ATPAF2: variants seen among roughly 807,000 people sequenced by gnomAD.
ATPAF2 encodes ATP synthase mitochondrial F1 complex assembly factor 2, also known as ATP12 homolog.
A neutral mutation model predicts 36.6 loss-of-function variants in ATPAF2; 30 were observed. The observed-to-expected ratio is 0.82, with a 90% CI of 0.61 to 1.11. The LOEUF (loss-of-function observed/expected upper bound fraction) is 1.11, where lower values mean the gene tolerates loss of function less well. Among genes scored for constraint, ATPAF2 ranks in the 50% most tolerant of loss-of-function variants. ATPAF2 has a pLI of 0.00. For synonymous variants in ATPAF2, 140 were observed against 152.6 expected (o/e 0.92, Z 0.61); for missense variants, 321 against 372.3 (o/e 0.86, Z 1.13).
intron 1 of ATPAF2, among the ~76,000 whole-genome samples, chr17:18,032,379 G>GA (rs200474812): frequency 1.3e-5 from 2 of 152,132 alleles, no homozygotes; most frequent in Non-Finnish European, 2.9e-5. Flanking sequence ...AACTGAATAA[G>GA]AAAAAACTAG....
At chr17:18,020,760 C>A in intron 7 of ATPAF2, 1 of 225,366 alleles carries the variant, frequency 4.4e-6, no homozygotes, top group South Asian at 6.2e-5. Context: ...CTCACTACAA[C>A]CTCCACCTCC....
intron 5 of ATPAF2, among the ~76,000 whole-genome samples, chr17:18,022,278 C>A (rs2044480585): frequency 6.6e-6 from 1 of 152,130 alleles, no homozygotes. Context: ...TGTCATATAT[C>A]ATGGAGGTTT....
intron 5 of ATPAF2, among the ~76,000 whole-genome samples, chr17:18,023,082 T>A (rs1597667884): frequency 1.4e-5 from 2 of 143,344 alleles, no homozygotes; most frequent in Middle Eastern, 4.0e-3. Context: ...TGAGCTGAGA[T>A]CACGCCACTG....
intron 7 of ATPAF2, among the ~76,000 whole-genome samples, chr17:18,019,984 G>A (rs1433557109): frequency 6.6e-6 from 1 of 152,180 alleles, no homozygotes; most frequent in Non-Finnish European, 1.5e-5. Context: ...TATGTAATCA[G>A]TTCTGACATC....
intron 1 of ATPAF2, among the ~76,000 whole-genome samples, chr17:18,034,324 G>C (rs2044675616): frequency 6.6e-6 from 1 of 152,116 alleles, no homozygotes. Flanking sequence ...AGGCTCGCTT[G>C]AGCCCAGGAG....
At chr17:18,032,984 G>T (rs1288204512) in intron 1 of ATPAF2, among the ~76,000 whole-genome samples, 1 of 152,074 alleles carries the variant, frequency 6.6e-6, no homozygotes, top group African/African-American at 2.4e-5. Context: ...TAAGATGCTA[G>T]AGAGGGCAAT....
intron 3 of ATPAF2, among the ~76,000 whole-genome samples, chr17:18,026,976 T>G (rs2044555792): frequency 6.6e-6 from 1 of 152,136 alleles, no homozygotes; most frequent in Non-Finnish European, 1.5e-5. Flanking sequence ...ATCTCAGCAC[T>G]TTGGGAGGCT....
downstream of ATPAF2, chr17:18,015,840 G>T: frequency 2.0e-6 from 1 of 502,080 alleles, no homozygotes; most frequent in South Asian, 2.7e-5. Context: ...TAACACCCTG[G>T]TTGGCCCTTT....
chr17:18,021,677 A>G, intron 6 of ATPAF2, 68 bp downstream of exon 6: 1 of 1,366,058 alleles, frequency 7.3e-7, no homozygotes, highest in Non-Finnish European at 1.0e-6. Context: ...GGGAGGGGCA[A>G]GTACAGGCTT....
chr17:18,027,408 G>A (rs1231981359), intron 3 of ATPAF2, among the ~76,000 whole-genome samples: 3 of 152,104 alleles, frequency 2.0e-5, no homozygotes, highest in Non-Finnish European at 4.4e-5. Flanking sequence ...GCACAGCAGC[G>A]GCTGGGATGA....
At chr17:18,019,948 A>C (rs914325641) in intron 7 of ATPAF2, among the ~76,000 whole-genome samples, 1 of 152,160 alleles carries the variant, frequency 6.6e-6, no homozygotes, top group African/African-American at 2.4e-5. Context: ...CTGGCTTCCC[A>C]CCAGCCCTAC....
At chr17:18,016,225 C>T, downstream of ATPAF2, 3 of 1,603,568 alleles carry the variant, frequency 1.9e-6, no homozygotes, top group Non-Finnish European at 2.6e-6. Context: ...TCCTAGCAGG[C>T]TGGATGAACT....
intron 4 of ATPAF2, chr17:18,025,397 T>A (rs1299978253): frequency 6.3e-6 from 1 of 158,620 alleles, no homozygotes; most frequent in African/African-American, 2.4e-5. Context: ...GGGATGGGAA[T>A]CCAAGTGGGC....
intron 5 of ATPAF2, 140 bp from the exon 6 acceptor site, chr17:18,021,997 T>C: frequency 1.3e-6 from 1 of 749,586 alleles, no homozygotes; most frequent in South Asian, 1.4e-5. Flanking sequence ...CAGGAGCAAC[T>C]GCCACCATGG....
chr17:18,031,624 C>T (rs1009161068), intron 1 of ATPAF2, among the ~76,000 whole-genome samples: 4 of 151,754 alleles, frequency 2.6e-5, no homozygotes, highest in Admixed American at 6.6e-5. Context: ...ACTAAAAATA[C>T]AAAAAATTAG....
At chr17:18,016,525 T>C, downstream of ATPAF2, 1 of 1,420,694 alleles carries the variant, frequency 7.0e-7, no homozygotes, top group Non-Finnish European at 9.9e-7. Context: ...AATGATCTGA[T>C]GTAAGGAATC....
At chr17:18,038,772 C>T (rs976730542) in intron 1 of ATPAF2, 109 bp downstream of exon 1, 22 of 1,509,266 alleles carry the variant, frequency 1.5e-5, no homozygotes, top group Non-Finnish European at 2.0e-5. Context: ...GCCTGCATAA[C>T]CTCATGAGCC....
Position 18,018,445 on chromosome 17 carries a change from C to T in ATPAF2, c.*104G>A. 6.6e-7 allele frequency: 1 copy of T among 1,526,294 alleles called. No homozygotes were observed. The highest frequency in any genetic ancestry group is 1.4e-5 in the African/African-American group (1 of 73,388). The allele number at this position is 1,526,294 out of a possible 1,614,324, so 94.5% of individuals were successfully genotyped here. On this transcript the variant is annotated 3_prime_UTR_variant, in exon 8 of 8. Coordinates refer to ENST00000474627, the MANE Select transcript of ATPAF2 (RefSeq NM_145691.4). ...TCTCAGGGTGACGCTGAGGCCGAGT[C>T]CCCAAAAGCCAAGGAAGCCAGCCCC...
chr17:18,016,199 A>C, downstream of ATPAF2: 1 of 1,613,256 alleles, frequency 6.2e-7, no homozygotes. Context: ...AGACAGGGTG[A>C]GTCAATCCCA....
Sources: gnomAD v4.1 joint callset for allele counts (sites outside exome capture counted in the v4.1 genomes callset) on GRCh38, gnomAD v4.1.1 for gene constraint, MANE v1.5 for transcripts, NCBI Gene and HGNC (gene_info 2026-07-23, HGNC 2026-07-21) for gene names.